Variants in ANKMY2 observed in about 807,000 individuals in gnomAD.
ANKMY2 encodes ankyrin repeat and MYND domain-containing protein 2.
In ANKMY2, 36 loss-of-function variants were observed where a neutral mutation model predicts 50.4. The observed-to-expected ratio is 0.71, with a 90% CI of 0.55 to 0.94. The LOEUF is 0.94. Ranked by LOEUF, ANKMY2 falls within the 40% of genes least tolerant of loss-of-function variation. The probability of loss-of-function intolerance (pLI) is 0.00; values close to 1 mark genes in which losing one functional copy is unlikely to be tolerated. For missense variants in ANKMY2, 565 were observed against 524.0 expected (o/e 1.08, Z -0.76); for synonymous variants, 187 against 178.8 (o/e 1.05, Z -0.36).
chr7:16,607,330 C>G (rs1161032706), intron 7 of ANKMY2, among the ~76,000 whole-genome samples: 2 of 152,088 alleles, frequency 1.3e-5, no homozygotes, highest in African/African-American at 4.8e-5. Flanking sequence ...CTTTGGGAGG[C>G]CAAGGCGGGC....
chr7:16,639,802 G>A (rs913489223), intron 1 of ANKMY2, among the ~76,000 whole-genome samples: 1 of 152,094 alleles, frequency 6.6e-6, no homozygotes, highest in Non-Finnish European at 1.5e-5. Flanking sequence ...GATATTCTTA[G>A]TGTTACTGCT....
chr7:16,627,146 A>G lies in ANKMY2; in HGVS notation c.165T>C (p.Tyr55=). 1 of 1,605,398 alleles carries G rather than the reference A, an allele frequency of 6.2e-7. No individual in the cohort carries two copies. The highest frequency in any genetic ancestry group is 8.5e-7 in the Non-Finnish European group (1 of 1,174,332). ...NGMTPLMHAA[Y]KGKLDMCKLL... ...ATTTGCACATATCGAGTTTTCCTTTATATGCTGCATGCATTAGAGGAGTCA... is the reference window on the plus strand; with the variant it reads ...ATTTGCACATATCGAGTTTTCCTTTGTATGCTGCATGCATTAGAGGAGTCA... Residue 55 remains tyrosine, a synonymous_variant, in exon 3 of 10, where the codon TAT becomes TAC. Coordinates refer to ENST00000306999, the MANE Select transcript of ANKMY2 (RefSeq NM_020319.3).
At chr7:16,643,052 C>T (rs1781766314) in intron 1 of ANKMY2, among the ~76,000 whole-genome samples, 1 of 152,178 alleles carries the variant, frequency 6.6e-6, no homozygotes, top group African/African-American at 2.4e-5. Context: ...CTATATTTAT[C>T]ACAAACACAA....
At chr7:16,613,170 C>A (rs1275060428) in intron 5 of ANKMY2, among the ~76,000 whole-genome samples, 1 of 152,142 alleles carries the variant, frequency 6.6e-6, no homozygotes, top group Non-Finnish European at 1.5e-5. Flanking sequence ...TCAGCACAAT[C>A]CTCCAAATCC....
intron 4 of ANKMY2, among the ~76,000 whole-genome samples, chr7:16,617,560 A>G (rs1781373346): frequency 6.6e-6 from 1 of 152,206 alleles, no homozygotes; most frequent in African/African-American, 2.4e-5. Flanking sequence ...AGCAGATTCA[A>G]TTATAATATA....
chr7:16,615,226 TA>T (rs1485202921), intron 5 of ANKMY2, among the ~76,000 whole-genome samples: 4 of 152,334 alleles, frequency 2.6e-5, no homozygotes. Flanking sequence ...ACAATTATTG[TA>T]ATAGATGCTG....
chr7:16,610,391 G>T (rs562927308), intron 6 of ANKMY2, among the ~76,000 whole-genome samples, 158 bp downstream of exon 6: 1 of 152,146 alleles, frequency 6.6e-6, no homozygotes, highest in East Asian at 1.9e-4. Flanking sequence ...CTCAATATAA[G>T]TATAATATTA....
At position 16,609,713 on chromosome 7, in the gene ANKMY2, T is replaced by C. The variant is rs763726365; in HGVS notation, c.799A>G (p.Ile267Val). The change falls in exon 7 of 10, where the codon ATT becomes GTT. Residue 267 changes from isoleucine (I) to valine (V), a missense_variant. Coordinates refer to ENST00000306999, the MANE Select transcript of ANKMY2 (RefSeq NM_020319.3). ...DGFPVYQEKI[I>V]RESIRKFPYC... ...GGAAATTTTCTGATACTTTCTCTAATGATCTTTTCTTGATACACTGGAAAG... is the reference window on the plus strand; with the variant it reads ...GGAAATTTTCTGATACTTTCTCTAACGATCTTTTCTTGATACACTGGAAAG... The C allele has an allele frequency of 6.2e-7, 1 of 1,612,194 alleles. No homozygotes were observed. The highest frequency in any genetic ancestry group is 8.5e-7 in the Non-Finnish European group (1 of 1,179,528).
chr7:16,636,830 T>C (rs1489970517), intron 1 of ANKMY2, among the ~76,000 whole-genome samples: 1 of 152,232 alleles, frequency 6.6e-6, no homozygotes, highest in Non-Finnish European at 1.5e-5. Flanking sequence ...GTCAATGTAA[T>C]ACTTGGAATT....
At chr7:16,621,104 A>G (rs1781429004) in intron 4 of ANKMY2, among the ~76,000 whole-genome samples, 1 of 152,228 alleles carries the variant, frequency 6.6e-6, no homozygotes, top group Admixed American at 6.5e-5. Flanking sequence ...AAAACGCAGT[A>G]AACTGTAATA....
At chr7:16,638,775 C>T (rs1032795471) in intron 1 of ANKMY2, among the ~76,000 whole-genome samples, 28 of 152,128 alleles carry the variant, frequency 1.8e-4, no homozygotes, top group African/African-American at 6.0e-4. Flanking sequence ...ACATTTCTAA[C>T]GCCCAGGAAA....
intron 5 of ANKMY2, among the ~76,000 whole-genome samples, chr7:16,613,000 A>G (rs1257223112): frequency 6.6e-6 from 1 of 152,172 alleles, no homozygotes; most frequent in Non-Finnish European, 1.5e-5. Context: ...TCCTATTTTT[A>G]AAAACTGCTA....
Position 16,637,104 on chromosome 7 carries a change from T to G in ANKMY2, c.68-649A>C, listed in dbSNP as rs1374370810. On this transcript the variant is annotated intron_variant, in intron 1 of 9. Transcript: ENST00000306999. ...TTTTCCAGTCTTCTATAAGGCATAA[T>G]GACAGAAGCATACTTGCAGGAGAGA... 3.3e-5 allele frequency among the ~76,000 whole-genome samples: 5 copies of G among 152,190 alleles called. No homozygotes were observed. In the South Asian group the frequency reaches 1.0e-3, roughly 32 times the overall value.
chr7:16,645,495 C>A lies in ANKMY2; in HGVS notation c.67+12G>T, dbSNP rs1020963057. 7.5e-6 allele frequency: 12 copies of A among 1,607,216 alleles called. No homozygotes were observed. The highest frequency in any genetic ancestry group is 1.0e-5 in the Non-Finnish European group (12 of 1,177,136). On this transcript the variant is annotated intron_variant, in intron 1 of 9. Transcript: ENST00000306999. ...GGCTGGCCGCGGCCGCGTCGCAGCC[C>A]AGCACCCGTACCTTTCCCGATGACT...
At chr7:16,640,374 T>C (rs975470564) in intron 1 of ANKMY2, among the ~76,000 whole-genome samples, 2 of 152,074 alleles carry the variant, frequency 1.3e-5, no homozygotes, top group South Asian at 4.1e-4. Flanking sequence ...ATTTCTAATA[T>C]CTAGATCGGG....
chr7:16,634,914 C>T (rs1397040253), intron 2 of ANKMY2, among the ~76,000 whole-genome samples: 1 of 151,998 alleles, frequency 6.6e-6, no homozygotes, highest in East Asian at 1.9e-4. Flanking sequence ...CAGAATCATA[C>T]AGCACCCAGT....
chr7:16,615,668 A>T (rs1172101872), intron 5 of ANKMY2, 76 bp downstream of exon 5: 4 of 1,577,926 alleles, frequency 2.5e-6, no homozygotes. Context: ...GACAATTATG[A>T]TCCTGTATAA....
chr7:16,645,357 G>C (rs1034547824), intron 1 of ANKMY2, 150 bp downstream of exon 1: 5 of 761,782 alleles, frequency 6.6e-6, no homozygotes, highest in African/African-American at 1.8e-5. Context: ...ACCTTTCCCA[G>C]ACCAAAGGGA....
At chr7:16,645,150 G>A (rs916424580) in intron 1 of ANKMY2, among the ~76,000 whole-genome samples, 1 of 152,100 alleles carries the variant, frequency 6.6e-6, no homozygotes, top group Non-Finnish European at 1.5e-5. Flanking sequence ...GAAACTACCA[G>A]GACTGACCGC....
Sources: allele counts gnomAD v4.1 joint callset (sites outside exome capture counted in the v4.1 genomes callset), GRCh38; gene constraint gnomAD v4.1.1; transcripts MANE v1.5; gene names NCBI Gene and HGNC (gene_info 2026-07-23, HGNC 2026-07-21).